The following ANXA8 variants were observed in gnomAD, a reference collection of about 807,000 sequenced individuals.
The protein encoded by ANXA8 is VAC-beta.
In ANXA8, 9 loss-of-function variants were observed where a neutral mutation model predicts 26.8. That is an observed-to-expected ratio of 0.34 (90% CI 0.20 to 0.59). The LOEUF (loss-of-function observed/expected upper bound fraction) is 0.59, where lower values mean the gene tolerates loss of function less well. Among genes scored for constraint, ANXA8 ranks in the 20% least tolerant of loss-of-function variants. The pLI is 0.84. For synonymous variants in ANXA8, 39 were observed against 94.8 expected (o/e 0.41, Z 3.42); for missense variants, 83 against 238.5 (o/e 0.35, Z 4.29).
At chr10:47,722,810 C>T in the ANXA8 span, among the ~76,000 whole-genome samples, 2 of 142,358 alleles carry the variant, frequency 1.4e-5, no homozygotes, top group South Asian at 4.4e-4. Context: ...GAAGCTAGTG[C>T]AGAGAAGCGG....
the ANXA8 span, among the ~76,000 whole-genome samples, chr10:47,733,217 CTTTCTCTTTCTTTCTCTCTTTCTT>C: frequency 3.2e-3 from 225 of 71,096 alleles, 2 homozygotes; most frequent in African/African-American, 8.0e-3. Context: ...TTCTTTCTTT[CTTTCTCTTTCTTTCTCTCTTTCTT>C]TCTTTCTTTC....
At chr10:47,674,343 G>T in the ANXA8 span, among the ~76,000 whole-genome samples, 147 of 150,954 alleles carry the variant, frequency 9.7e-4, no homozygotes, top group Non-Finnish European at 5.2e-4. Flanking sequence ...TATTGCCTAG[G>T]CTGGTCTTGA....
chr10:47,645,575 C>A, the ANXA8 span, among the ~76,000 whole-genome samples: 8 of 151,486 alleles, frequency 5.3e-5, no homozygotes, highest in Admixed American at 3.9e-4. Context: ...AAAATAATTT[C>A]TTCATGTGTC....
chr10:47,576,438 T>C, the ANXA8 span, among the ~76,000 whole-genome samples: 6 of 140,584 alleles, frequency 4.3e-5, no homozygotes, highest in Non-Finnish European at 9.5e-5. Context: ...TCCATAGTCA[T>C]GCAGATACAT....
the ANXA8 span, among the ~76,000 whole-genome samples, chr10:47,552,210 G>C: frequency 6.6e-6 from 1 of 151,810 alleles, no homozygotes; most frequent in Admixed American, 6.6e-5. Context: ...AACATCACCA[G>C]TACCTATTTC....
upstream of ANXA8, among the ~76,000 whole-genome samples, chr10:47,488,477 C>T (rs1305597681): frequency 6.7e-6 from 1 of 150,364 alleles, no homozygotes; most frequent in Non-Finnish European, 1.5e-5. Context: ...TCCCGAAGGG[C>T]TAGGATTACA....
the ANXA8 span, among the ~76,000 whole-genome samples, chr10:47,701,293 T>C: frequency 6.6e-6 from 1 of 151,546 alleles, no homozygotes; most frequent in Non-Finnish European, 1.5e-5. Context: ...TACAACCCTT[T>C]TGAAGGGATA....
chr10:47,681,977 G>A, the ANXA8 span, among the ~76,000 whole-genome samples: 784 of 143,992 alleles, frequency 5.4e-3, 13 homozygotes, highest in African/African-American at 0.02. Flanking sequence ...TTCTAGTAAT[G>A]CTGGATCCAA....
chr10:47,500,607 T>C, the ANXA8 span, among the ~76,000 whole-genome samples: 1 of 118,052 alleles, frequency 8.5e-6, no homozygotes, highest in Non-Finnish European at 1.7e-5. Context: ...GTGTTTTTTT[T>C]TTTCCTTTCT....
the ANXA8 span, among the ~76,000 whole-genome samples, chr10:47,554,110 A>AAATAAAT: frequency 8.7e-4 from 113 of 129,908 alleles, 2 homozygotes; most frequent in African/African-American, 2.4e-3. Flanking sequence ...CATCTCTCAA[A>AAATAAAT]AAATAAATAA....
At chr10:47,564,907 C>T in the ANXA8 span, 9 of 1,487,536 alleles carry the variant, frequency 6.1e-6, no homozygotes, top group Non-Finnish European at 8.4e-6. Context: ...TCAACGACAA[C>T]TACTGTGAAA....
chr10:47,691,225 C>T, the ANXA8 span: 12 of 1,473,766 alleles, frequency 8.1e-6, no homozygotes, highest in Admixed American at 3.6e-5. Context: ...TAATTTTACT[C>T]ACGGGTGAGG....
chr10:47,902,799 ACC>A, the ANXA8 span, among the ~76,000 whole-genome samples: 2 of 145,578 alleles, frequency 1.4e-5, no homozygotes, highest in Admixed American at 6.8e-5. Context: ...AATTTTAGAA[ACC>A]CCATATAATT....
chr10:47,970,735 T>G, the ANXA8 span, among the ~76,000 whole-genome samples: 10,067 of 149,578 alleles, frequency 0.067, 2 homozygotes, highest in African/African-American at 0.24. Context: ...TGTTTTTCAT[T>G]TTTCAAACCT....
chr10:47,960,644 G>C, the ANXA8 span, among the ~76,000 whole-genome samples: 1 of 149,188 alleles, frequency 6.7e-6, no homozygotes, highest in South Asian at 2.1e-4. Context: ...ATAATTATAT[G>C]GTTCGATTAA....
At chr10:47,664,492 C>A in the ANXA8 span, among the ~76,000 whole-genome samples, 64 of 151,518 alleles carry the variant, frequency 4.2e-4, no homozygotes, top group African/African-American at 1.5e-3. Context: ...CGCTTGAACT[C>A]GGGAGGCGGA....
the ANXA8 span, among the ~76,000 whole-genome samples, chr10:47,495,041 T>C: frequency 5.3e-5 from 8 of 149,732 alleles, no homozygotes; most frequent in South Asian, 2.1e-4. Flanking sequence ...CAAGGAAGAA[T>C]CTGAGCGAAT....
the ANXA8 span, among the ~76,000 whole-genome samples, chr10:47,683,248 A>C: frequency 1.5e-5 from 1 of 65,392 alleles, no homozygotes; most frequent in Admixed American, 2.0e-4. Flanking sequence ...TTTTTTTTTG[A>C]GATGGAGTCT....
chr10:47,958,033 C>T, the ANXA8 span, among the ~76,000 whole-genome samples: 1 of 150,488 alleles, frequency 6.6e-6, no homozygotes, highest in Non-Finnish European at 1.5e-5. Context: ...GTCACAGGAT[C>T]CAGGAGTTTG....
Sources: gnomAD v4.1 joint callset for allele counts (sites outside exome capture counted in the v4.1 genomes callset) on GRCh38, gnomAD v4.1.1 for gene constraint, MANE v1.5 for transcripts, NCBI Gene and HGNC (gene_info 2026-07-23, HGNC 2026-07-21) for gene names.